Variants in ALDH9A1 observed in about 807,000 individuals in gnomAD.
The protein encoded by ALDH9A1 is 4-trimethylaminobutyraldehyde dehydrogenase.
Under a neutral mutation model 56.6 loss-of-function variants are expected in ALDH9A1, and 42 were observed. The observed-to-expected ratio is 0.74, with a 90% CI of 0.58 to 0.96. The LOEUF is 0.96. Among genes scored for constraint, ALDH9A1 ranks in the 40% least tolerant of loss-of-function variants. The pLI is 0.00. For missense variants in ALDH9A1, 661 were observed against 651.5 expected (o/e 1.01, Z -0.16); for synonymous variants, 242 against 236.0 (o/e 1.03, Z -0.23).
At chr1:165,678,001 CT>C (rs1459760443) in intron 6 of ALDH9A1, among the ~76,000 whole-genome samples, 1 of 152,058 alleles carries the variant, frequency 6.6e-6, no homozygotes, top group African/African-American at 2.4e-5. Context: ...TGCCACTGCA[CT>C]CCAGCCTGGG....
intron 3 of ALDH9A1, 191 bp downstream of exon 3, chr1:165,682,790 G>C: frequency 1.6e-6 from 1 of 606,820 alleles, no homozygotes; most frequent in Non-Finnish European, 2.7e-6. Context: ...CTTAACCCAA[G>C]AAGGTAGGAA....
chr1:165,681,810 T>C (rs777496428), intron 4 of ALDH9A1, among the ~76,000 whole-genome samples: 32 of 152,224 alleles, frequency 2.1e-4, no homozygotes, highest in Non-Finnish European at 4.1e-4. Flanking sequence ...AACTTATAAG[T>C]AGCACAAATC....
chr1:165,678,104 C>G (rs11807866), intron 6 of ALDH9A1, among the ~76,000 whole-genome samples: 1 of 151,726 alleles, frequency 6.6e-6, no homozygotes, highest in Non-Finnish European at 1.5e-5. Context: ...GGGAGGCCAA[C>G]GTGGGTGGAT....
intron 6 of ALDH9A1, among the ~76,000 whole-genome samples, chr1:165,672,270 G>GTGTGTGTA (rs1279100594): frequency 2.0e-5 from 3 of 152,172 alleles, no homozygotes; most frequent in Non-Finnish European, 1.5e-5. Flanking sequence ...TGTGCTGTGT[G>GTGTGTGTA]TGTGTGTATG....
intron 2 of ALDH9A1, among the ~76,000 whole-genome samples, chr1:165,686,008 TG>T (rs1367730109): frequency 6.6e-6 from 1 of 152,166 alleles, no homozygotes; most frequent in African/African-American, 2.4e-5. Flanking sequence ...CTATACAATC[TG>T]GTATAAGTAC....
In ALDH9A1 at chr1:165,678,972, G is replaced by GA. The variant is rs1347540736; in HGVS notation, c.930+469dup. On this transcript the variant is annotated intron_variant, in intron 6 of 10. Transcript: ENST00000354775. ...TCATCCTTGACTGGATCCTAGACCG[G>GA]AAAAAAAACCATTTTTGTTCTATTT... Among the ~76,000 whole-genome samples the GA allele has an allele frequency of 5.9e-5, 9 of 151,754 alleles. No homozygotes were observed. The South Asian group carries it at 6.3e-4, about 11-fold the overall frequency.
intron 6 of ALDH9A1, among the ~76,000 whole-genome samples, chr1:165,676,956 A>C (rs774116272): frequency 5.9e-5 from 9 of 152,212 alleles, no homozygotes; most frequent in Non-Finnish European, 8.8e-5. Flanking sequence ...TTGCTGAAAG[A>C]TGTGAGGTGG....
chr1:165,694,900 G>C (rs1274977632), intron 2 of ALDH9A1, among the ~76,000 whole-genome samples: 1 of 150,262 alleles, frequency 6.7e-6, no homozygotes, highest in Non-Finnish European at 1.5e-5. Context: ...AGGTTGCAGT[G>C]AGCCGAGATC....
chr1:165,680,998 C>T (rs147930687), intron 4 of ALDH9A1, among the ~76,000 whole-genome samples: 136 of 152,170 alleles, frequency 8.9e-4, no homozygotes, highest in African/African-American at 3.3e-3. Context: ...GCAGCAAAAG[C>T]GGAAACCCCT....
In ALDH9A1 at chr1:165,690,074, T is replaced by C. The variant is rs1649839041; in HGVS notation, c.327+5178A>G. Reference sequence around the variant, plus strand: ...CTAGAATATATATATGTATAAAATATACATATATTACACATAATTGTGTAA... The same window carrying C: ...CTAGAATATATATATGTATAAAATACACATATATTACACATAATTGTGTAA... On this transcript the variant is annotated intron_variant, in intron 2 of 10. Transcript: ENST00000354775. 8.9e-5 allele frequency among the ~76,000 whole-genome samples: 2 copies of C among 22,532 alleles called. 1 individual carries two copies. Among genetic ancestry groups the C allele is most frequent in the Admixed American group, 1.2e-3 (2 of 1,632 alleles). 14.8% of individuals were successfully genotyped at this position (22,532 alleles called of 152,430 possible).
chr1:165,678,661 T>C (rs1415554464), intron 6 of ALDH9A1, among the ~76,000 whole-genome samples: 2 of 152,196 alleles, frequency 1.3e-5, no homozygotes, highest in Non-Finnish European at 2.9e-5. Context: ...AAGATCTTAT[T>C]AACCACAAAG....
At chr1:165,686,951 T>C (rs1156816676) in intron 2 of ALDH9A1, among the ~76,000 whole-genome samples, 1 of 152,144 alleles carries the variant, frequency 6.6e-6, no homozygotes, top group Non-Finnish European at 1.5e-5. Flanking sequence ...CTATACTCCG[T>C]ATGTTCAAGA....
intron 8 of ALDH9A1, 119 bp downstream of exon 8, chr1:165,668,807 T>C: frequency 1.3e-6 from 1 of 752,692 alleles, no homozygotes; most frequent in Non-Finnish European, 2.1e-6. Context: ...ACTTGGGTAG[T>C]AGGACCACAT....
chr1:165,681,699 A>C (rs1465827361), intron 4 of ALDH9A1, among the ~76,000 whole-genome samples: 1 of 152,180 alleles, frequency 6.6e-6, no homozygotes, highest in Admixed American at 6.5e-5. Flanking sequence ...CATTTCTCTT[A>C]AGACCCAAAT....
chr1:165,670,660 C>T (rs993664760), intron 6 of ALDH9A1, among the ~76,000 whole-genome samples: 6 of 152,094 alleles, frequency 3.9e-5, no homozygotes, highest in Admixed American at 1.3e-4. Flanking sequence ...AGGCTATCAT[C>T]ACTAATTTTA....
At chr1:165,683,775 AAAG>A (rs1649626304) in intron 2 of ALDH9A1, among the ~76,000 whole-genome samples, 1 of 152,216 alleles carries the variant, frequency 6.6e-6, no homozygotes, top group Admixed American at 6.5e-5. Context: ...TACTAAGGAT[AAAG>A]AAATTCAATA....
chr1:165,697,876 A>C (rs2101762821), intron 1 of ALDH9A1, among the ~76,000 whole-genome samples: 1 of 152,172 alleles, frequency 6.6e-6, no homozygotes, highest in South Asian at 2.1e-4. Flanking sequence ...TAAAAATACA[A>C]AAATTAGCCG....
At chr1:165,683,807 T>G (rs1490074723) in intron 2 of ALDH9A1, among the ~76,000 whole-genome samples, 1 of 152,164 alleles carries the variant, frequency 6.6e-6, no homozygotes, top group East Asian at 1.9e-4. Flanking sequence ...AATGATGAGC[T>G]TAAAGGTTTA....
chr1:165,691,138 T>G (rs1379797498), intron 2 of ALDH9A1, among the ~76,000 whole-genome samples: 5 of 152,038 alleles, frequency 3.3e-5, no homozygotes, highest in Non-Finnish European at 7.4e-5. Context: ...CTCATACAGG[T>G]GGGTGCCCTT....
Sources: gnomAD v4.1 joint callset for allele counts (sites outside exome capture counted in the v4.1 genomes callset) on GRCh38, gnomAD v4.1.1 for gene constraint, MANE v1.5 for transcripts, NCBI Gene and HGNC (gene_info 2026-07-23, HGNC 2026-07-21) for gene names.